MORN1: variants seen among roughly 807,000 people sequenced by gnomAD.
MORN1 encodes MORN repeat-containing protein 1.
In MORN1, 67 loss-of-function variants were observed where a neutral mutation model predicts 61.9. That is an observed-to-expected ratio of 1.08 (90% CI 0.89 to 1.33). The LOEUF is 1.33. MORN1 is among the 40% of genes most tolerant of loss of function. The pLI is 0.00. For missense variants in MORN1, 752 were observed against 691.2 expected (o/e 1.09, Z -0.99); for synonymous variants, 301 against 292.0 (o/e 1.03, Z -0.31).
intron 12 of MORN1, among the ~76,000 whole-genome samples, chr1:2,335,729 C>G (rs779228474): frequency 7.9e-5 from 12 of 151,946 alleles, no homozygotes; most frequent in Non-Finnish European, 1.6e-4. Flanking sequence ...GCTGGTCACT[C>G]TGCGAGCAAC....
At chr1:2,390,048 T>G in intron 1 of MORN1, 52 bp from the exon 2 acceptor site, 1 of 1,503,448 alleles carries the variant, frequency 6.7e-7, no homozygotes, top group Non-Finnish European at 9.3e-7. Context: ...AGATGAGGGA[T>G]GCTCTCCAGT....
chr1:2,325,788 C>T (rs1641014797), intron 12 of MORN1, among the ~76,000 whole-genome samples: 1 of 150,622 alleles, frequency 6.6e-6, no homozygotes, highest in Non-Finnish European at 1.5e-5. Context: ...TGCTCAGCTA[C>T]TTTTTAAATT....
Position 2,372,409 on chromosome 1 carries a change from T to C in MORN1, c.745+72A>G, listed in dbSNP as rs952895112. The C allele has an allele frequency of 8.2e-7, 1 of 1,223,434 alleles. No individual in the cohort carries two copies. The highest frequency in any genetic ancestry group is 1.5e-5 in the African/African-American group (1 of 66,324). 75.8% of individuals were successfully genotyped at this position (1,223,434 alleles called of 1,614,324 possible). A position where few individuals can be genotyped will look rare whatever the true frequency, so the allele number is the denominator to read the frequency against. On this transcript the variant is annotated intron_variant, in intron 8 of 13. Transcript: ENST00000378531. The surrounding 1 kb of genome is among the most constrained non-coding windows in gnomAD (Gnocchi z 5.4). ...CCACATGCAACATCTCGTCCGCATC[T>C]TCACTGCTTAAGAACCTGCTGCCTG...
In MORN1 at chr1:2,332,196, C is replaced by T. The variant is rs188546916; in HGVS notation, c.1250+4273G>A. 576 of 192,502 alleles carry T rather than the reference C, an allele frequency of 3.0e-3. 1 individual carries two copies. Among genetic ancestry groups the T allele is most frequent in the African/African-American group, 0.013 (545 of 42,006 alleles). 11.9% of individuals were successfully genotyped at this position (192,502 alleles called of 1,614,324 possible). A position where few individuals can be genotyped will look rare whatever the true frequency, so the allele number is the denominator to read the frequency against. ...GACCCCACGCTCACCAGGTGCCCAG[C>T]GGGGCTGCCTGTCCTCCTGAGGGCA... On this transcript the variant is annotated intron_variant, in intron 12 of 13. Transcript: ENST00000378531.
rs549759632 is a variant in MORN1 at position 2,324,719 on chromosome 1, G to C, written c.1251-576C>G. 2.0e-5 allele frequency among the ~76,000 whole-genome samples: 3 copies of C among 152,280 alleles called. No individual in the cohort carries two copies. In the East Asian group the frequency reaches 5.8e-4, roughly 29 times the overall value. ...GGTCCTGCCGGGGCCTCCCCGTGGA[G>C]ACACTCACTGCCCTGGCTCCCTGAG... On this transcript the variant is annotated intron_variant, in intron 12 of 13. Coordinates refer to ENST00000378531, the MANE Select transcript of MORN1 (RefSeq NM_024848.3).
intron 12 of MORN1, among the ~76,000 whole-genome samples, chr1:2,335,615 G>A (rs540921330): frequency 1.1e-4 from 17 of 152,146 alleles, no homozygotes; most frequent in Non-Finnish European, 2.5e-4. Context: ...TCTGTGCACC[G>A]CGTCACCAAA....
intron 12 of MORN1, among the ~76,000 whole-genome samples, chr1:2,324,849 C>A (rs76805690): frequency 0.17 from 26,372 of 152,032 alleles, 2,580 homozygotes; most frequent in South Asian, 0.24. Context: ...TGGACAGCGC[C>A]TCGGGGCACC....
chr1:2,372,113 C>A lies in MORN1; in HGVS notation c.745+368G>T. ...AGTGGGGAAGCAGAAAGTAGCCCCT[C>A]ACTAGAATGGAAGACTGTTCCTCCT... is the stretch of plus-strand genomic sequence containing the variant. On this transcript the variant is annotated intron_variant, in intron 8 of 13. Transcript: ENST00000378531. This position sits in a 1 kb window ranked among gnomAD's most constrained non-coding sequence, Gnocchi z 5.4. 4.2e-6 allele frequency: 1 copy of A among 237,190 alleles called. No individual in the cohort carries two copies. The allele number at this position is 237,190 out of a possible 1,614,324, so 14.7% of individuals were successfully genotyped here. A position where few individuals can be genotyped will look rare whatever the true frequency, so the allele number is the denominator to read the frequency against.
At chr1:2,327,526 A>T (rs1174006129) in intron 12 of MORN1, among the ~76,000 whole-genome samples, 1 of 152,226 alleles carries the variant, frequency 6.6e-6, no homozygotes, top group East Asian at 1.9e-4. Context: ...AGACACACAG[A>T]CACAGAGAAA....
chr1:2,325,825 A>T (rs547013677), intron 12 of MORN1, among the ~76,000 whole-genome samples: 3 of 151,556 alleles, frequency 2.0e-5, no homozygotes, highest in African/African-American at 7.3e-5. Context: ...GGGTCTCACT[A>T]TGTTGCCCAG....
At chr1:2,340,807 G>A (rs12730719) in intron 10 of MORN1, among the ~76,000 whole-genome samples, 30,568 of 152,142 alleles carry the variant, frequency 0.2, 3,500 homozygotes, top group Non-Finnish European at 0.27. Flanking sequence ...GATGAGGGCC[G>A]CCATACAGGC....
At chr1:2,389,400 C>G (rs1423299996) in intron 2 of MORN1, among the ~76,000 whole-genome samples, 12 of 152,194 alleles carry the variant, frequency 7.9e-5, no homozygotes. Flanking sequence ...TGCCAAGTAG[C>G]TAGGATTACA....
intron 10 of MORN1, among the ~76,000 whole-genome samples, chr1:2,344,298 G>C (rs1434075686): frequency 6.6e-6 from 1 of 152,242 alleles, no homozygotes; most frequent in Non-Finnish European, 1.5e-5. Flanking sequence ...GGCAGGTTGA[G>C]ACATGGTTCT....
At chr1:2,347,667 G>C (rs979082445) in intron 10 of MORN1, among the ~76,000 whole-genome samples, 8 of 152,148 alleles carry the variant, frequency 5.3e-5, no homozygotes, top group Non-Finnish European at 1.0e-4. Flanking sequence ...GTGGCTGCCC[G>C]TGCGATGCTC....
In MORN1 at chr1:2,324,780, G is replaced by A. The variant is rs566249575; in HGVS notation, c.1251-637C>T. Among the ~76,000 whole-genome samples, 5 of 152,218 alleles carry A rather than the reference G, an allele frequency of 3.3e-5. No individual in the cohort carries two copies. In the South Asian group the frequency reaches 1.0e-3, roughly 32 times the overall value. On this transcript the variant is annotated intron_variant, in intron 12 of 13. Transcript: ENST00000378531. The stretch of plus-strand genomic sequence containing the variant: ...CCTGCCCTGAGGCAGTCTCTGGGGG[G>A]GCCCACCACCCACCAGGGTTTCTGA...
intron 6 of MORN1, chr1:2,378,910 G>T (rs1642308150): frequency 2.2e-6 from 1 of 456,448 alleles, no homozygotes; most frequent in African/African-American, 2.0e-5. Flanking sequence ...GAGCCGCGTG[G>T]CTCCTGTCCC....
intron 12 of MORN1, chr1:2,326,446 C>T (rs1446842897): frequency 6.6e-6 from 1 of 152,208 alleles, no homozygotes; most frequent in African/African-American, 2.4e-5. Context: ...GCAAGGAGCT[C>T]GGGAGTCTCG....
chr1:2,356,556 C>A (rs1641773005), intron 10 of MORN1, among the ~76,000 whole-genome samples: 1 of 152,192 alleles, frequency 6.6e-6, no homozygotes, highest in Admixed American at 6.5e-5. Context: ...CCCCCAAACT[C>A]AAAGTGCCAG....
rs113341526 is a variant in MORN1, at chr1:2,338,596, C to T, written c.1037-1746G>A. ...GAGCCCCAAGTACACATGGTTCACA[C>T]GGTGGCGGGGGCTTCAGACCTCCAC... On this transcript the variant is annotated intron_variant, in intron 10 of 13. Coordinates refer to ENST00000378531, the MANE Select transcript of MORN1 (RefSeq NM_024848.3). Among the ~76,000 whole-genome samples, 34 of 152,304 alleles carry T rather than the reference C, an allele frequency of 2.2e-4. 2 individuals are homozygous for T. The East Asian group carries it at 2.9e-3, about 13-fold the overall frequency.
Sources: allele counts gnomAD v4.1 joint callset (sites outside exome capture counted in the v4.1 genomes callset), GRCh38; gene constraint gnomAD v4.1.1; non-coding constraint Gnocchi (gnomAD v3.1); transcripts MANE v1.5; gene names NCBI Gene and HGNC (gene_info 2026-07-23, HGNC 2026-07-21).